The following MYO1B variants were observed in gnomAD, a reference collection of about 807,000 sequenced individuals.
MYO1B encodes the protein unconventional myosin-Ib.
Under a neutral mutation model 159.7 loss-of-function variants are expected in MYO1B, and 72 were observed. That is an observed-to-expected ratio of 0.45 (90% confidence interval 0.37 to 0.55). MYO1B has a LOEUF of 0.55. Among genes scored for constraint, MYO1B ranks in the 20% least tolerant of loss-of-function variants. The pLI, the probability that MYO1B is intolerant of heterozygous loss-of-function variation, is 0.00. For synonymous variants in MYO1B, 468 were observed against 473.8 expected (o/e 0.99, Z 0.16); for missense variants, 1,062 against 1,364.8 (o/e 0.78, Z 3.50).
At chr2:191,323,225 C>T (rs1234445974) in intron 3 of MYO1B, among the ~76,000 whole-genome samples, 1 of 151,802 alleles carries the variant, frequency 6.6e-6, no homozygotes, top group South Asian at 2.1e-4. Flanking sequence ...TTTTGGCTGG[C>T]TTTTTTTTAA....
intron 4 of MYO1B, among the ~76,000 whole-genome samples, chr2:191,333,610 T>C (rs887468823): frequency 3.9e-5 from 6 of 152,164 alleles, no homozygotes; most frequent in Non-Finnish European, 5.9e-5. Context: ...TTTGTAGCAG[T>C]GTCTAATGGG....
At chr2:191,361,750 A>G (rs78022561) in intron 8 of MYO1B, among the ~76,000 whole-genome samples, 3 of 148,894 alleles carry the variant, frequency 2.0e-5, no homozygotes, top group African/African-American at 7.4e-5. Context: ...TGTTACTTCA[A>G]AGCGAGGACC....
At chr2:191,351,229 G>A (rs1173238621) in intron 7 of MYO1B, among the ~76,000 whole-genome samples, 1 of 151,578 alleles carries the variant, frequency 6.6e-6, no homozygotes, top group African/African-American at 2.4e-5. Context: ...TATCCAAAGT[G>A]TGCTCATTTA....
chr2:191,290,426 C>T (rs1688625394), intron 2 of MYO1B, among the ~76,000 whole-genome samples: 1 of 152,166 alleles, frequency 6.6e-6, no homozygotes, highest in Admixed American at 6.6e-5. Flanking sequence ...TGCTGTGTAG[C>T]ACAATTTTTT....
At position 191,358,030 on chromosome 2, in the gene MYO1B, T is replaced by A. The variant is rs923391054; in HGVS notation, c.563-2601T>A. On this transcript the variant is annotated intron_variant, in intron 7 of 30. Coordinates refer to ENST00000392318, the MANE Select transcript of MYO1B (RefSeq NM_001130158.3). Reference sequence around the variant, plus strand: ...CTTTGTAATGAAAGATTCCTTATCTTGTGTGATTGAGTTGCTTAGGCGAAT... The same window carrying A: ...CTTTGTAATGAAAGATTCCTTATCTAGTGTGATTGAGTTGCTTAGGCGAAT... Among the ~76,000 whole-genome samples the A allele has an allele frequency of 2.6e-5, 4 of 152,184 alleles. No individual in the cohort carries two copies. The East Asian group carries it at 5.8e-4, about 22-fold the overall frequency.
At chr2:191,279,766 T>TAA (rs34604771) in intron 2 of MYO1B, among the ~76,000 whole-genome samples, 2,306 of 151,428 alleles carry the variant, frequency 0.015, 58 homozygotes, top group African/African-American at 0.053. Flanking sequence ...AAGATGCAGT[T>TAA]AAAAAAAAAC....
intron 1 of MYO1B, among the ~76,000 whole-genome samples, chr2:191,254,427 C>G (rs1320156136): frequency 6.6e-6 from 1 of 151,956 alleles, no homozygotes; most frequent in Non-Finnish European, 1.5e-5. Flanking sequence ...TGAGACTGAT[C>G]TCGAACTCCT....
At chr2:191,344,012 A>G (rs1226049273) in intron 5 of MYO1B, among the ~76,000 whole-genome samples, 1 of 152,212 alleles carries the variant, frequency 6.6e-6, no homozygotes, top group African/African-American at 2.4e-5. Context: ...GATTTGTTTG[A>G]TGAAAAGATG....
Position 191,425,115 on chromosome 2 carries a change from T to C in MYO1B, c.*1155T>C, listed in dbSNP as rs1031867997. 1 of 152,014 alleles carries C rather than the reference T, an allele frequency of 6.6e-6. No individual in the cohort carries two copies. Among genetic ancestry groups the C allele is most frequent in the East Asian group, 1.9e-4 (1 of 5,196 alleles). The allele number at this position is 152,014 out of a possible 1,614,324, so 9.4% of individuals were successfully genotyped here. A position where few individuals can be genotyped will look rare whatever the true frequency, so the allele number is the denominator to read the frequency against. On this transcript the variant is annotated 3_prime_UTR_variant, in exon 31 of 31. Coordinates refer to ENST00000392318, the MANE Select transcript of MYO1B (RefSeq NM_001130158.3). ...TTCTTATTTGGGAGGATAATGTATA[T>C]ACATTGGTATTATGTTAAATAATAA...
At chr2:191,279,928 C>T (rs895496821) in intron 2 of MYO1B, among the ~76,000 whole-genome samples, 3 of 152,308 alleles carry the variant, frequency 2.0e-5, no homozygotes, top group Middle Eastern at 3.4e-3. Context: ...TTGCCCCAGA[C>T]TTTTGAACTC....
In MYO1B at chr2:191,409,461, G is replaced by GT. The variant is rs370390854; in HGVS notation, c.2766+289dup. ...GTTCCAGCTGCTCTCAAGTAGTTCA[G>GT]TTTTTTGTTCATTTGTTTCTCTCTT... On this transcript the variant is annotated intron_variant, in intron 26 of 30. Coordinates refer to ENST00000392318, the MANE Select transcript of MYO1B (RefSeq NM_001130158.3). Among the ~76,000 whole-genome samples the GT allele has an allele frequency of 6.4e-3, 974 of 152,310 alleles. 8 individuals are homozygous for GT. Among genetic ancestry groups the GT allele is most frequent in the Middle Eastern group, 0.031 (9 of 294 alleles).
Position 191,424,921 on chromosome 2 carries a change from A to G in MYO1B, c.*961A>G. 6.6e-6 allele frequency: 1 copy of G among 152,554 alleles called. No individual in the cohort carries two copies. Among genetic ancestry groups the G allele is most frequent in the East Asian group, 1.9e-4 (1 of 5,200 alleles). 9.5% of individuals were successfully genotyped at this position (152,554 alleles called of 1,614,324 possible). On this transcript the variant is annotated 3_prime_UTR_variant, in exon 31 of 31. Transcript: ENST00000392318. ...AATAAAACATCCAAGATCTTTTTTG[A>G]AAGTTTTATTTATAATATACATTTT... is the stretch of plus-strand genomic sequence containing the variant.
intron 1 of MYO1B, among the ~76,000 whole-genome samples, chr2:191,248,247 A>G (rs537498601): frequency 1.3e-5 from 2 of 152,220 alleles, no homozygotes; most frequent in Non-Finnish European, 2.9e-5. Context: ...AACTTGATAA[A>G]GTGGGTGTTA....
chr2:191,316,746 G>A (rs1690376295), intron 3 of MYO1B, among the ~76,000 whole-genome samples: 1 of 152,138 alleles, frequency 6.6e-6, no homozygotes, highest in Non-Finnish European at 1.5e-5. Context: ...CTCCAGTGAG[G>A]GTCCTCTGGC....
chr2:191,251,494 C>G (rs1012025560), intron 1 of MYO1B, among the ~76,000 whole-genome samples: 4 of 152,244 alleles, frequency 2.6e-5, no homozygotes, highest in Admixed American at 6.5e-5. Flanking sequence ...AGGGGCCTGT[C>G]TTTCCTTGAT....
chr2:191,264,485 T>C (rs1687009304), intron 1 of MYO1B, among the ~76,000 whole-genome samples: 1 of 50,684 alleles, frequency 2.0e-5, no homozygotes, highest in Non-Finnish European at 4.3e-5. Flanking sequence ...TCTTTAGACT[T>C]TTTTTTTTTT....
At chr2:191,325,819 C>A (rs1691021492) in intron 3 of MYO1B, among the ~76,000 whole-genome samples, 1 of 151,966 alleles carries the variant, frequency 6.6e-6, no homozygotes, top group South Asian at 2.1e-4. Context: ...GAACATGCAA[C>A]CCAGCATTCC....
At chr2:191,374,243 T>C in intron 13 of MYO1B, among the ~76,000 whole-genome samples, 1 of 152,204 alleles carries the variant, frequency 6.6e-6, no homozygotes, top group African/African-American at 2.4e-5. Context: ...GGAAGAAGTA[T>C]TCAGATCCAC....
chr2:191,334,622 T>A (rs954559388), intron 4 of MYO1B, among the ~76,000 whole-genome samples: 2 of 152,150 alleles, frequency 1.3e-5, no homozygotes, highest in African/African-American at 4.8e-5. Context: ...CTTCTGGGGA[T>A]CCTGTTGCCC....
Sources: allele counts gnomAD v4.1 joint callset (sites outside exome capture counted in the v4.1 genomes callset), GRCh38; gene constraint gnomAD v4.1.1; transcripts MANE v1.5; gene names NCBI Gene and HGNC (gene_info 2026-07-23, HGNC 2026-07-21).